NUP214: variants seen among roughly 807,000 people sequenced by gnomAD.
NUP214 encodes the protein nuclear pore complex protein Nup214.
In NUP214, 79 loss-of-function variants were observed where a neutral mutation model predicts 196.2. The ratio of observed to expected loss-of-function variants is 0.40; its 90% confidence interval spans 0.34 to 0.49. The LOEUF is 0.49. Ranked by LOEUF, NUP214 falls within the 20% of genes least tolerant of loss-of-function variation. The probability of loss-of-function intolerance (pLI) is 0.58; values close to 1 mark genes in which losing one functional copy is unlikely to be tolerated. For missense variants in NUP214, 2,468 were observed against 2,539.0 expected (o/e 0.97, Z 0.60); for synonymous variants, 1,020 against 990.5 (o/e 1.03, Z -0.56).
rs1319718375 is a variant in NUP214 at position 131,157,507 on chromosome 9, C to T, written c.2437-1876C>T. Reference sequence around the variant, plus strand: ...TGAGAGAGAGTCTCACTCTGTTGCCCAGGCTGGAGTGCAGTGGTGCGATCT... The same window carrying T: ...TGAGAGAGAGTCTCACTCTGTTGCCTAGGCTGGAGTGCAGTGGTGCGATCT... On this transcript the variant is annotated intron_variant, in intron 17 of 35. Coordinates refer to ENST00000359428, the MANE Select transcript of NUP214 (RefSeq NM_005085.4). Among the ~76,000 whole-genome samples, 3 of 148,496 alleles carry T rather than the reference C, an allele frequency of 2.0e-5. No homozygotes were observed. In the East Asian group the frequency reaches 5.9e-4, roughly 29 times the overall value.
chr9:131,191,061 GTGTT>G (rs1231302496), intron 26 of NUP214: 6 of 151,600 alleles, frequency 4.0e-5, no homozygotes, highest in Non-Finnish European at 5.9e-5. Flanking sequence ...CATCTACCCT[GTGTT>G]TGTTTATTTT....
At chr9:131,133,683 G>A (rs1270971032) in intron 7 of NUP214, 1 of 152,106 alleles carries the variant, frequency 6.6e-6, no homozygotes, top group Non-Finnish European at 1.5e-5. Flanking sequence ...ATGGGCCAGG[G>A]GTCTAAAATT....
intron 26 of NUP214, among the ~76,000 whole-genome samples, chr9:131,189,425 C>G (rs551522091): frequency 2.0e-5 from 3 of 152,236 alleles, no homozygotes; most frequent in African/African-American, 7.2e-5. Context: ...AATTCTTTTC[C>G]TAAAATGGAG....
rs762488623 is a variant in NUP214 at position 131,222,899 on chromosome 9, A to C, written c.5871A>C (p.Gln1957His). The C allele has an allele frequency of 1.1e-5, 18 of 1,613,990 alleles. No individual in the cohort carries two copies. The highest frequency in any genetic ancestry group is 1.5e-5 in the Non-Finnish European group (18 of 1,180,022). ...FSSGGGSVAS[Q>H]GFGFSSPNKT... ...CTGGAGGAGGAAGTGTGGCATCCCA[A>C]GGCTTTGGGTTTTCCTCTCCAAACA... Residue 1957 changes from glutamine (Q) to histidine (H), a missense_variant, in exon 32 of 36, where the codon CAA becomes CAC. Transcript: ENST00000359428.
chr9:131,201,387 CAG>C (rs1323191838), intron 29 of NUP214, among the ~76,000 whole-genome samples: 1 of 151,064 alleles, frequency 6.6e-6, no homozygotes, highest in Admixed American at 6.6e-5. Flanking sequence ...GCCTGGGCGA[CAG>C]AGCAAGACTC....
chr9:131,156,130 CTTTT>C (rs71389397), intron 17 of NUP214, among the ~76,000 whole-genome samples: 28 of 70,874 alleles, frequency 4.0e-4, no homozygotes, highest in Non-Finnish European at 6.9e-4. Context: ...GTATTTCTGT[CTTTT>C]TTTTTTTTTT....
At chr9:131,155,338 T>G (rs1318105533) in intron 17 of NUP214, among the ~76,000 whole-genome samples, 2 of 152,190 alleles carry the variant, frequency 1.3e-5, no homozygotes, top group African/African-American at 4.8e-5. Context: ...GATGGGATTG[T>G]TTGTTTTGTT....
intron 18 of NUP214, among the ~76,000 whole-genome samples, chr9:131,161,116 A>G (rs542996758): frequency 2.6e-5 from 4 of 152,238 alleles, no homozygotes; most frequent in Admixed American, 2.6e-4. Flanking sequence ...CTTTGTAACA[A>G]TTCTGTGGAT....
intron 12 of NUP214, 69 bp downstream of exon 12, chr9:131,144,823 T>A: frequency 8.2e-7 from 1 of 1,225,906 alleles, no homozygotes; most frequent in Non-Finnish European, 1.1e-6. Flanking sequence ...TTACTAAAAG[T>A]AGAGTCACTC....
At chr9:131,138,747 G>A (rs1175802827) in intron 9 of NUP214, among the ~76,000 whole-genome samples, 1 of 152,226 alleles carries the variant, frequency 6.6e-6, no homozygotes, top group Non-Finnish European at 1.5e-5. Flanking sequence ...TGAGGAACTG[G>A]TACCAAGAAC....
intron 4 of NUP214, among the ~76,000 whole-genome samples, chr9:131,130,137 G>GTTTTGTTTTTT (rs1564176236): frequency 6.5e-5 from 5 of 76,894 alleles, no homozygotes; most frequent in Non-Finnish European, 9.2e-5. Flanking sequence ...TTCTGGTTTT[G>GTTTTGTTTTTT]TTTTTTTTTT....
chr9:131,185,098 A>G (rs1019656771), intron 24 of NUP214, among the ~76,000 whole-genome samples: 4 of 152,246 alleles, frequency 2.6e-5, no homozygotes, highest in Admixed American at 1.3e-4. Flanking sequence ...TTTTACAACA[A>G]TGGGATGAGT....
intron 4 of NUP214, among the ~76,000 whole-genome samples, chr9:131,130,137 G>GTTTTTTATTTTTTTTT (rs1831490980): frequency 1.3e-5 from 1 of 76,894 alleles, no homozygotes; most frequent in African/African-American, 5.0e-5. Flanking sequence ...TTCTGGTTTT[G>GTTTTTTATTTTTTTTT]TTTTTTTTTT....
intron 27 of NUP214, among the ~76,000 whole-genome samples, chr9:131,193,016 G>T (rs544059790): frequency 6.9e-6 from 1 of 144,154 alleles, no homozygotes; most frequent in South Asian, 2.3e-4. Context: ...AGAATGTAAT[G>T]AAAGATAATA....
intron 33 of NUP214, 121 bp from the exon 34 acceptor site, chr9:131,230,509 C>T (rs916573296): frequency 1.7e-6 from 2 of 1,206,554 alleles, no homozygotes; most frequent in Non-Finnish European, 2.4e-6. Flanking sequence ...TTAGGCCCAG[C>T]CTGTCACCCT....
intron 33 of NUP214, chr9:131,228,916 C>A (rs527719498): frequency 6.6e-6 from 1 of 152,286 alleles, no homozygotes; most frequent in African/African-American, 2.4e-5. Context: ...TAGGGAGTCG[C>A]TTTTAAGGGC....
At chr9:131,163,827 T>G in intron 19 of NUP214, 43 bp from the exon 20 acceptor site, 1 of 1,492,892 alleles carries the variant, frequency 6.7e-7, no homozygotes, top group Non-Finnish European at 9.3e-7. Flanking sequence ...CCTCCGATCT[T>G]TCAGCTCCTA....
intron 4 of NUP214, among the ~76,000 whole-genome samples, chr9:131,130,140 T>TTTTTTTTTG (rs1328223494): frequency 2.0e-5 from 2 of 101,846 alleles, no homozygotes; most frequent in Admixed American, 9.5e-5. Context: ...TGGTTTTGTT[T>TTTTTTTTTG]TTTTTTTTTT....
At chr9:131,139,857 A>G (rs1219289612) in intron 10 of NUP214, among the ~76,000 whole-genome samples, 1 of 152,184 alleles carries the variant, frequency 6.6e-6, no homozygotes, top group African/African-American at 2.4e-5. Context: ...TAGGGCCTAG[A>G]TATGTGTTTT....
Sources: allele counts gnomAD v4.1 joint callset (sites outside exome capture counted in the v4.1 genomes callset), GRCh38; gene constraint gnomAD v4.1.1; transcripts MANE v1.5; gene names NCBI Gene and HGNC (gene_info 2026-07-23, HGNC 2026-07-21).